Variants in AGMO observed in about 807,000 individuals in gnomAD.
AGMO encodes the protein glyceryl-ether monooxygenase.
AGMO carries 75 observed loss-of-function variants against 60.2 expected under a neutral mutation model. That is an observed-to-expected ratio of 1.25 (90% CI 1.03 to 1.51). The LOEUF (loss-of-function observed/expected upper bound fraction) is 1.51, where lower values mean the gene tolerates loss of function less well. Ranked by LOEUF, AGMO falls within the 40% of genes most tolerant of loss-of-function variation. The pLI is 0.00. For synonymous variants in AGMO, 261 were observed against 177.1 expected (o/e 1.47, Z -3.76); for missense variants, 763 against 525.5 (o/e 1.45, Z -4.42).
rs143388654 is a variant in AGMO, at chr7:15,345,347, C to T, written c.1263+20167G>A. On this transcript the variant is annotated intron_variant, in intron 12 of 12. Transcript: ENST00000342526. ...GGTAAGCAATTTCTCACCTCCTGGC[C>T]TAAGACCAAGCTTGGTCTGGATGCC... Among the ~76,000 whole-genome samples the T allele has an allele frequency of 8.1e-3, 1,235 of 152,276 alleles. 10 individuals are homozygous for T. Among genetic ancestry groups the T allele is most frequent in the Middle Eastern group, 0.027 (8 of 294 alleles).
chr7:15,161,635 CATATAT>C, the AGMO span, among the ~76,000 whole-genome samples: 1 of 149,540 alleles, frequency 6.7e-6, no homozygotes, highest in Non-Finnish European at 1.5e-5. Context: ...TATATTCATA[CATATAT>C]ATATATCATA....
the AGMO span, among the ~76,000 whole-genome samples, chr7:15,152,314 C>A: frequency 5.9e-5 from 9 of 151,918 alleles, no homozygotes; most frequent in African/African-American, 1.9e-4. Context: ...CAGTTCAGGG[C>A]GGCACTGAAG....
At chr7:15,392,591 G>A (rs577546385) in intron 6 of AGMO, among the ~76,000 whole-genome samples, 3 of 152,234 alleles carry the variant, frequency 2.0e-5, no homozygotes, top group East Asian at 1.9e-4. Context: ...ATGAGATCAG[G>A]AGTTTGAAAC....
At chr7:15,514,189 A>G (rs1387691897) in intron 3 of AGMO, among the ~76,000 whole-genome samples, 1 of 151,970 alleles carries the variant, frequency 6.6e-6, no homozygotes, top group Non-Finnish European at 1.5e-5. Context: ...GAACTCATCA[A>G]CTCCTGGCTT....
At chr7:15,430,229 T>C (rs1470489161) in intron 4 of AGMO, among the ~76,000 whole-genome samples, 1 of 152,012 alleles carries the variant, frequency 6.6e-6, no homozygotes, top group Admixed American at 6.6e-5. Context: ...TTGACCATTA[T>C]AATTTATAGT....
At chr7:15,261,844 G>A (rs1483177375) in intron 12 of AGMO, among the ~76,000 whole-genome samples, 1 of 151,804 alleles carries the variant, frequency 6.6e-6, no homozygotes, top group Admixed American at 6.6e-5. Context: ...GGGATGATTT[G>A]ACATCCAGAA....
chr7:15,215,564 G>A (rs1462431319), intron 12 of AGMO, among the ~76,000 whole-genome samples: 2 of 151,974 alleles, frequency 1.3e-5, no homozygotes, highest in Non-Finnish European at 2.9e-5. Flanking sequence ...AATGAAGGGG[G>A]TCTGCATATT....
At chr7:15,545,063 C>G (rs1784739954) in intron 2 of AGMO, 140 bp from the exon 3 acceptor site, 7 of 568,998 alleles carry the variant, frequency 1.2e-5, no homozygotes, top group Non-Finnish European at 1.3e-5. Context: ...TCTTCTATGT[C>G]ATTCCTTTTA....
In AGMO at chr7:15,350,818, A is replaced by T. The variant is rs576045231; in HGVS notation, c.1263+14696T>A. On this transcript the variant is annotated intron_variant, in intron 12 of 12. Coordinates refer to ENST00000342526, the MANE Select transcript of AGMO (RefSeq NM_001004320.2). ...AGTTTCATTATTTTATCTTAATAAA[A>T]GGAAGTTTGGCTTACCAATAATGTG... Among the ~76,000 whole-genome samples the T allele has an allele frequency of 2.6e-5, 4 of 152,182 alleles. No homozygotes were observed. In the South Asian group the frequency reaches 6.2e-4, roughly 24 times the overall value.
chr7:15,483,159 T>G (rs1782806520), intron 3 of AGMO, among the ~76,000 whole-genome samples: 1 of 152,158 alleles, frequency 6.6e-6, no homozygotes, highest in African/African-American at 2.4e-5. Context: ...AACTGTAAAC[T>G]TTTAAATCTG....
At chr7:15,284,027 A>T (rs2128519686) in intron 12 of AGMO, among the ~76,000 whole-genome samples, 1 of 152,200 alleles carries the variant, frequency 6.6e-6, no homozygotes, top group Non-Finnish European at 1.5e-5. Flanking sequence ...AGTTATTTGA[A>T]ATGAATGATA....
intron 12 of AGMO, among the ~76,000 whole-genome samples, chr7:15,278,290 G>A (rs367831456): frequency 6.6e-6 from 1 of 152,272 alleles, no homozygotes; most frequent in East Asian, 1.9e-4. Context: ...TAGCTGAGGT[G>A]GTTGTGCCAG....
intron 3 of AGMO, among the ~76,000 whole-genome samples, chr7:15,449,609 T>C (rs28628763): frequency 8.3e-4 from 126 of 152,280 alleles, no homozygotes; most frequent in African/African-American, 2.9e-3. Flanking sequence ...AGCCTAGGTG[T>C]GTAGTAGGCT....
At position 15,279,296 on chromosome 7, in the gene AGMO, A is replaced by T. The variant is rs532774386; in HGVS notation, c.1264-77937T>A. Among the ~76,000 whole-genome samples the T allele has an allele frequency of 2.3e-3, 345 of 151,772 alleles. 4 individuals are homozygous for T. The highest frequency in any genetic ancestry group is 7.9e-3 in the African/African-American group (328 of 41,358). On this transcript the variant is annotated intron_variant, in intron 12 of 12. Transcript: ENST00000342526. ...CCAGCTCAGCAGGCTGCCTGGCTTC[A>T]CTCTCCTCTGCTTTCTCTGATTCCA... is the stretch of plus-strand genomic sequence containing the variant.
chr7:15,502,966 T>A (rs188081467), intron 3 of AGMO, among the ~76,000 whole-genome samples: 47 of 152,052 alleles, frequency 3.1e-4, no homozygotes, highest in African/African-American at 1.1e-3. Context: ...ATGATTTCCC[T>A]CACATACCTG....
intron 10 of AGMO, among the ~76,000 whole-genome samples, chr7:15,369,180 C>G (rs893167170): frequency 2.0e-5 from 3 of 151,976 alleles, no homozygotes; most frequent in Non-Finnish European, 4.4e-5. Flanking sequence ...TATTCCACCC[C>G]AAGATGATCT....
rs775057626 is a variant in AGMO at position 15,342,172 on chromosome 7, T to TAA, written c.1263+23340_1263+23341dup. ...AGCTGAGAGTAGATACCCACAGAGT[T>TAA]AAAAAAAAAAAAAAAAAAAAAAAAG... On this transcript the variant is annotated intron_variant, in intron 12 of 12. Coordinates refer to ENST00000342526, the MANE Select transcript of AGMO (RefSeq NM_001004320.2). Among the ~76,000 whole-genome samples, 489 of 54,286 alleles carry TAA rather than the reference T, an allele frequency of 9.0e-3. 29 individuals carry two copies. Among genetic ancestry groups the TAA allele is most frequent in the African/African-American group, 0.024 (257 of 10,744 alleles). 35.6% of individuals were successfully genotyped at this position (54,286 alleles called of 152,430 possible). A position where few individuals can be genotyped will look rare whatever the true frequency, so the allele number is the denominator to read the frequency against.
chr7:15,385,302 A>G, intron 10 of AGMO, 144 bp downstream of exon 10: 1 of 558,772 alleles, frequency 1.8e-6, no homozygotes, highest in Non-Finnish European at 3.1e-6. Flanking sequence ...GATTTGTTTT[A>G]CCTATTTAAA....
intron 10 of AGMO, among the ~76,000 whole-genome samples, chr7:15,367,701 T>C (rs1783040136): frequency 1.3e-5 from 2 of 152,056 alleles, no homozygotes; most frequent in South Asian, 4.1e-4. Context: ...GATCAGTAAA[T>C]TCAAAGTATT....
Sources: allele counts gnomAD v4.1 joint callset (sites outside exome capture counted in the v4.1 genomes callset), GRCh38; gene constraint gnomAD v4.1.1; transcripts MANE v1.5; gene names NCBI Gene and HGNC (gene_info 2026-07-23, HGNC 2026-07-21).